MYH10: variants seen among roughly 807,000 people sequenced by gnomAD.
The protein encoded by MYH10 is myosin-10.
A neutral mutation model predicts 257.8 loss-of-function variants in MYH10; 55 were observed. That is an observed-to-expected ratio of 0.21 (90% CI 0.17 to 0.27). The LOEUF is 0.27. Ranked by LOEUF, MYH10 falls within the 10% of genes least tolerant of loss-of-function variation. The pLI, the probability that MYH10 is intolerant of heterozygous loss-of-function variation, is 1.00. For synonymous variants in MYH10, 854 were observed against 921.7 expected (o/e 0.93, Z 1.33); for missense variants, 1,631 against 2,500.6 (o/e 0.65, Z 7.42).
intron 3 of MYH10, among the ~76,000 whole-genome samples, chr17:8,598,595 C>T (rs1318455875): frequency 6.6e-6 from 1 of 152,088 alleles, no homozygotes; most frequent in Non-Finnish European, 1.5e-5. Flanking sequence ...TGAATACAAA[C>T]TTTAATTTGT....
At chr17:8,571,017 C>A (rs1022605076) in intron 6 of MYH10, among the ~76,000 whole-genome samples, 5 of 152,144 alleles carry the variant, frequency 3.3e-5, no homozygotes, top group African/African-American at 1.2e-4. Context: ...TCAACTGAAG[C>A]CAGTCAGGAA....
Position 8,530,162 on chromosome 17 carries a change from C to T in MYH10, c.1957+461G>A, listed in dbSNP as rs9915921. Reference sequence around the variant, plus strand: ...AGGTAGCTATGTAATTATTTGTCTACAAAATGTGTCTTAAATACAAGAAAA... The same window carrying T: ...AGGTAGCTATGTAATTATTTGTCTATAAAATGTGTCTTAAATACAAGAAAA... On this transcript the variant is annotated intron_variant, in intron 17 of 42. Coordinates refer to ENST00000360416, the MANE Select transcript of MYH10 (RefSeq NM_001256012.3). Among the ~76,000 whole-genome samples, 233 of 152,202 alleles carry T rather than the reference C, an allele frequency of 1.5e-3. 1 individual carries two copies. Among genetic ancestry groups the T allele is most frequent in the African/African-American group, 5.5e-3 (228 of 41,528 alleles).
chr17:8,623,011 A>G lies in MYH10; in HGVS notation c.236T>C (p.Met79Thr). The G allele has an allele frequency of 6.2e-7, 1 of 1,614,160 alleles. No homozygotes were observed. Among genetic ancestry groups the G allele is most frequent in the Non-Finnish European group, 8.5e-7 (1 of 1,180,024 alleles). Residue 79 changes from methionine (M) to threonine (T), a missense_variant, in exon 2 of 43, where the codon ATG becomes ACG. Coordinates refer to ENST00000360416, the MANE Select transcript of MYH10 (RefSeq NM_001256012.3). The stretch of plus-strand genomic sequence containing the variant: ...CACCTTGGAAAACTTAGGTGGGTTC[A>G]TCTTCTGAATATCATCTTTGTTGAC... ...AMVNKDDIQK[M>T]NPPKFSKVED...
intron 4 of MYH10, among the ~76,000 whole-genome samples, chr17:8,581,932 T>C (rs2083721523): frequency 6.6e-6 from 1 of 152,206 alleles, no homozygotes; most frequent in Non-Finnish European, 1.5e-5. Context: ...TTAGGCAAGT[T>C]ACTCAGTTCT....
At position 8,542,355 on chromosome 17, in the gene MYH10, T is replaced by TA. The variant is rs1050752680; in HGVS notation, c.1432-76dup. On this transcript the variant is annotated intron_variant, in intron 13 of 42. Coordinates refer to ENST00000360416, the MANE Select transcript of MYH10 (RefSeq NM_001256012.3). ...ATGGGAATAATTAGTTATGTAGTTA[T>TA]AAAAAAATTTTTCATTAAACATTAC... 4.6e-5 allele frequency: 64 copies of TA among 1,377,038 alleles called. No individual in the cohort carries two copies. In the African/African-American group the frequency reaches 9.2e-4, roughly 20 times the overall value. The allele number at this position is 1,377,038 out of a possible 1,614,324, so 85.3% of individuals were successfully genotyped here. A position where few individuals can be genotyped will look rare whatever the true frequency, so the allele number is the denominator to read the frequency against.
chr17:8,578,231 C>G (rs980254192), intron 4 of MYH10, among the ~76,000 whole-genome samples: 5 of 74,524 alleles, frequency 6.7e-5, no homozygotes, highest in Non-Finnish European at 1.3e-4. Context: ...TGTTTTGTTT[C>G]TTTCTTTCTT....
At chr17:8,551,135 A>G (rs1262566971) in intron 9 of MYH10, among the ~76,000 whole-genome samples, 1 of 147,508 alleles carries the variant, frequency 6.8e-6, no homozygotes, top group African/African-American at 2.5e-5. Context: ...AAGAATTATC[A>G]ATAAAAAATA....
At chr17:8,483,434 C>G (rs1485201705) in intron 37 of MYH10, among the ~76,000 whole-genome samples, 1 of 152,184 alleles carries the variant, frequency 6.6e-6, no homozygotes, top group Non-Finnish European at 1.5e-5. Flanking sequence ...TTGTTCATTC[C>G]TGACACCTAG....
At chr17:8,502,193 CTT>C (rs1395912278) in intron 28 of MYH10, among the ~76,000 whole-genome samples, 1 of 152,222 alleles carries the variant, frequency 6.6e-6, no homozygotes, top group African/African-American at 2.4e-5. Flanking sequence ...CTTTTCCTCT[CTT>C]CTCATGGAGT....
At chr17:8,484,309 G>A (rs1489217502) in intron 36 of MYH10, 43 bp from the exon 37 acceptor site, 1 of 1,567,896 alleles carries the variant, frequency 6.4e-7, no homozygotes, top group African/African-American at 1.4e-5. Flanking sequence ...TACATTCTTA[G>A]TTTTAGTTAA....
At chr17:8,507,404 G>A (rs1249717571) in intron 26 of MYH10, among the ~76,000 whole-genome samples, 1 of 152,218 alleles carries the variant, frequency 6.6e-6, no homozygotes, top group African/African-American at 2.4e-5. Flanking sequence ...CCAGTCTCTA[G>A]CTGCTCTTTC....
chr17:8,562,937 T>C (rs1412784361), intron 7 of MYH10, among the ~76,000 whole-genome samples: 1 of 152,232 alleles, frequency 6.6e-6, no homozygotes, highest in Non-Finnish European at 1.5e-5. Flanking sequence ...TCTAGAATCT[T>C]TTCTGGGGTG....
intron 2 of MYH10, among the ~76,000 whole-genome samples, chr17:8,608,333 G>C: frequency 6.6e-6 from 1 of 152,226 alleles, no homozygotes; most frequent in East Asian, 1.9e-4. Flanking sequence ...ACAGGGCCTA[G>C]ATGACAGAAA....
At chr17:8,540,397 G>T (rs1179891732) in intron 14 of MYH10, among the ~76,000 whole-genome samples, 1 of 151,450 alleles carries the variant, frequency 6.6e-6, no homozygotes, top group East Asian at 1.9e-4. Flanking sequence ...TTGTGTGAGA[G>T]TAAAAAAAAA....
rs375303189 is a variant in MYH10, at chr17:8,622,864, G to C, written c.345+38C>G. ...GATGTATAATTTACATTAATTCCTA[G>C]CTACCACTTCACATGATTATTTGGA... On this transcript the variant is annotated intron_variant, in intron 2 of 42. Coordinates refer to ENST00000360416, the MANE Select transcript of MYH10 (RefSeq NM_001256012.3). The C allele has an allele frequency of 1.9e-6, 3 of 1,593,330 alleles. No homozygotes were observed. The South Asian group carries it at 3.4e-5, about 18-fold the overall frequency.
intron 37 of MYH10, 166 bp from the exon 38 acceptor site, chr17:8,481,576 G>A: frequency 1.7e-6 from 1 of 597,266 alleles, no homozygotes; most frequent in Admixed American, 2.9e-5. Flanking sequence ...TCTGCTCGGT[G>A]CAGGCCAGCC....
In MYH10 at chr17:8,495,172, C is replaced by T. The variant is rs778141107; in HGVS notation, c.4021G>A (p.Ala1341Thr). The T allele has an allele frequency of 2.5e-6, 4 of 1,613,174 alleles. No homozygotes were observed. The South Asian group carries it at 3.3e-5, about 13-fold the overall frequency. ...TGTAGTTGAGACTCAAGACTAGCTG[C>T]ATCCTTAGCAAATTTAATACCCTTC... ...EKKGIKFAKD[A>T]ASLESQLQDT... is the part of the protein sequence containing the mutation. The change falls in exon 31 of 43, where the codon GCA (alanine) becomes ACA (threonine). Residue 1341 changes from alanine to threonine, a missense_variant. Physicochemically the swap from Ala to Thr is moderately conservative, Grantham distance 58. Around this residue, in one of 11 missense-constraint regions of MYH10, gnomAD observed 463 missense variants for 621.8 expected, o/e 0.74. Transcript: ENST00000360416.
intron 13 of MYH10, among the ~76,000 whole-genome samples, chr17:8,544,895 C>T (rs2151949708): frequency 6.6e-6 from 1 of 152,222 alleles, no homozygotes; most frequent in African/African-American, 2.4e-5. Context: ...AGATCACTGC[C>T]CGTCCAGGTG....
At chr17:8,541,036 A>G (rs2082276084) in intron 14 of MYH10, among the ~76,000 whole-genome samples, 2 of 152,328 alleles carry the variant, frequency 1.3e-5, no homozygotes, top group East Asian at 1.9e-4. Flanking sequence ...GCCAAATGAA[A>G]ATTTTCTATT....
Sources: allele counts gnomAD v4.1 joint callset (sites outside exome capture counted in the v4.1 genomes callset), GRCh38; gene constraint gnomAD v4.1.1; regional missense constraint gnomAD v4.1.1; transcripts MANE v1.5; gene names NCBI Gene and HGNC (gene_info 2026-07-23, HGNC 2026-07-21).